Variants in EFCAB11 observed in about 807,000 individuals in gnomAD.
The protein encoded by EFCAB11 is EF-hand calcium binding domain 11, also known as EF-hand calcium-binding domain-containing protein 11.
EFCAB11 carries 14 observed loss-of-function variants against 23.0 expected under a neutral mutation model. That is an observed-to-expected ratio of 0.61 (90% CI 0.40 to 0.95). EFCAB11 has a LOEUF of 0.95. Ranked by LOEUF, EFCAB11 falls within the 40% of genes least tolerant of loss-of-function variation. EFCAB11 has a pLI of 0.00. For missense variants in EFCAB11, 198 were observed against 195.8 expected (o/e 1.01, Z -0.07); for synonymous variants, 65 against 66.6 (o/e 0.98, Z 0.11).
At chr14:89,889,343 C>T (rs146766834) in intron 5 of EFCAB11, among the ~76,000 whole-genome samples, 1,756 of 152,280 alleles carry the variant, frequency 0.012, 24 homozygotes, top group Non-Finnish European at 0.012. Context: ...TGTTTTACTA[C>T]TTATTAGCTG....
chr14:89,826,142 T>C (rs1010169386), intron 5 of EFCAB11, among the ~76,000 whole-genome samples: 1 of 152,200 alleles, frequency 6.6e-6, no homozygotes, highest in Non-Finnish European at 1.5e-5. Flanking sequence ...AGAATTATTA[T>C]GTCTTCTTGA....
At position 89,912,306 on chromosome 14, in the gene EFCAB11, C is replaced by T. The variant is rs577567038; in HGVS notation, c.410+19235G>A. On this transcript the variant is annotated intron_variant, in intron 5 of 5. Transcript: ENST00000316738. ...ATCTCTATTCTAACGTCTAGCATGT[C>T]TATCCAGCAAATATCTAGGTTGTTC... is the stretch of plus-strand genomic sequence containing the variant. Among the ~76,000 whole-genome samples the T allele has an allele frequency of 2.6e-5, 4 of 152,296 alleles. No homozygotes were observed. In the South Asian group the frequency reaches 8.3e-4, roughly 32 times the overall value.
At chr14:89,814,156 A>G (rs1383932415) in intron 5 of EFCAB11, among the ~76,000 whole-genome samples, 2 of 151,168 alleles carry the variant, frequency 1.3e-5, no homozygotes, top group Non-Finnish European at 2.9e-5. Flanking sequence ...GTTCAGCGCT[A>G]CAACCTCTAG....
intron 5 of EFCAB11, among the ~76,000 whole-genome samples, chr14:89,898,035 T>TTC (rs1555375311): frequency 2.0e-5 from 3 of 152,216 alleles, no homozygotes; most frequent in Non-Finnish European, 4.4e-5. Flanking sequence ...ACCTAAGGAA[T>TTC]TCTAGCTAAG....
intron 5 of EFCAB11, among the ~76,000 whole-genome samples, chr14:89,883,378 A>C (rs936974032): frequency 6.6e-6 from 1 of 152,234 alleles, no homozygotes; most frequent in Non-Finnish European, 1.5e-5. Context: ...ATCGCTTGGT[A>C]TCCATGAAGG....
Position 89,954,705 on chromosome 14 carries a change from C to CGCTTT in EFCAB11, c.-50_-46dup. 6.3e-7 allele frequency: 1 copy of CGCTTT among 1,591,720 alleles called. No homozygotes were observed. The highest frequency in any genetic ancestry group is 8.5e-7 in the Non-Finnish European group (1 of 1,172,004). On this transcript the variant is annotated 5_prime_UTR_variant, in exon 1 of 6. Transcript: ENST00000316738. ...CCCCAGCAACCCAACCAGCTACCAC[C>CGCTTT]GCTTTCCCAGCCTGGCTGGCAGCCT...
chr14:89,813,956 G>A (rs527557430), intron 5 of EFCAB11, among the ~76,000 whole-genome samples: 6 of 152,122 alleles, frequency 3.9e-5, no homozygotes, highest in Non-Finnish European at 7.4e-5. Context: ...CGCATTCCTC[G>A]GCTGCTGCTC....
At chr14:89,875,270 T>C (rs1418076736) in intron 5 of EFCAB11, among the ~76,000 whole-genome samples, 1 of 152,226 alleles carries the variant, frequency 6.6e-6, no homozygotes, top group Non-Finnish European at 1.5e-5. Context: ...TCAGATCTCA[T>C]GAGACTTACT....
At chr14:89,917,578 C>T (rs1596452947) in intron 5 of EFCAB11, among the ~76,000 whole-genome samples, 1 of 152,230 alleles carries the variant, frequency 6.6e-6, no homozygotes, top group Non-Finnish European at 1.5e-5. Flanking sequence ...TTTTATTCTA[C>T]CTGTAAATTC....
chr14:89,894,177 C>T (rs1889084194), intron 5 of EFCAB11, among the ~76,000 whole-genome samples: 1 of 152,026 alleles, frequency 6.6e-6, no homozygotes, highest in African/African-American at 2.4e-5. Context: ...GTCTCGATCT[C>T]CTGACCTCGT....
At chr14:89,904,117 T>C (rs1174206691) in intron 5 of EFCAB11, among the ~76,000 whole-genome samples, 2 of 152,108 alleles carry the variant, frequency 1.3e-5, no homozygotes, top group African/African-American at 4.8e-5. Context: ...CCTAATGCTA[T>C]CCCTCCCCCA....
intron 5 of EFCAB11, chr14:89,848,486 G>A (rs1317937817): frequency 6.6e-6 from 1 of 152,164 alleles, no homozygotes; most frequent in African/African-American, 2.4e-5. Context: ...AATGTCTTGA[G>A]AGCCTGCATA....
At chr14:89,838,090 T>C (rs1035844142) in intron 5 of EFCAB11, among the ~76,000 whole-genome samples, 3 of 152,150 alleles carry the variant, frequency 2.0e-5, no homozygotes, top group Non-Finnish European at 4.4e-5. Flanking sequence ...AGAACCTTTA[T>C]AGGGCAAATC....
intron 2 of EFCAB11, chr14:89,952,701 A>G (rs1431125383): frequency 2.1e-5 from 16 of 760,616 alleles, no homozygotes; most frequent in Non-Finnish European, 2.4e-5. Flanking sequence ...GCGGAGAGGC[A>G]TGACATCACA....
intron 5 of EFCAB11, among the ~76,000 whole-genome samples, chr14:89,883,746 TA>T (rs1888669837): frequency 6.6e-6 from 1 of 152,242 alleles, no homozygotes; most frequent in African/African-American, 2.4e-5. Context: ...CTGTCACTTC[TA>T]AACCACTTCT....
intron 5 of EFCAB11, among the ~76,000 whole-genome samples, chr14:89,853,907 C>T (rs910604564): frequency 1.3e-5 from 2 of 152,000 alleles, no homozygotes; most frequent in African/African-American, 4.8e-5. Context: ...CTTAATTATG[C>T]TCTCAGATTA....
intron 5 of EFCAB11, among the ~76,000 whole-genome samples, chr14:89,883,070 G>A (rs1489809469): frequency 6.6e-6 from 1 of 152,032 alleles, no homozygotes; most frequent in Non-Finnish European, 1.5e-5. Flanking sequence ...ACCAAGAGTG[G>A]AAGAAATCTG....
At chr14:89,933,528 A>G (rs11159943) in intron 3 of EFCAB11, among the ~76,000 whole-genome samples, 32,632 of 152,248 alleles carry the variant, frequency 0.21, 4,408 homozygotes, top group African/African-American at 0.36. Context: ...AATCATTTAA[A>G]AAAATGTAGA....
chr14:89,936,773 G>C (rs1890599393), intron 3 of EFCAB11, among the ~76,000 whole-genome samples: 1 of 152,120 alleles, frequency 6.6e-6, no homozygotes, highest in Non-Finnish European at 1.5e-5. Context: ...TATTCCTGAA[G>C]CTCTGCAATG....
Sources: gnomAD v4.1 joint callset for allele counts (sites outside exome capture counted in the v4.1 genomes callset) on GRCh38, gnomAD v4.1.1 for gene constraint, MANE v1.5 for transcripts, NCBI Gene and HGNC (gene_info 2026-07-23, HGNC 2026-07-21) for gene names.